Variants in KDM4B observed in about 807,000 individuals in gnomAD.
The protein encoded by KDM4B is lysine demethylase 4B.
KDM4B carries 32 observed loss-of-function variants against 125.2 expected under a neutral mutation model. The observed-to-expected ratio is 0.26, with a 90% confidence interval of 0.19 to 0.34. KDM4B has a LOEUF of 0.34. Among genes scored for constraint, KDM4B ranks in the 10% least tolerant of loss-of-function variants. The pLI is 1.00. For synonymous variants in KDM4B, 721 were observed against 677.9 expected, an observed-to-expected ratio of 1.06 and a Z score of -0.99; for missense variants, 1,190 against 1,577.7, an observed-to-expected ratio of 0.75 and a Z score of 4.16.
intron 6 of KDM4B, among the ~76,000 whole-genome samples, chr19:5,057,026 ATGCG>A (rs1455466009): frequency 6.4e-5 from 8 of 124,976 alleles, no homozygotes; most frequent in Admixed American, 3.1e-4. Context: ...CCAGATATAT[ATGCG>A]TGTGTGTGTG....
rs555184467 is a variant in KDM4B, at chr19:5,001,679, C to T, written c.-108-14578C>T. Among the ~76,000 whole-genome samples the T allele has an allele frequency of 9.3e-5, 14 of 150,528 alleles. No individual in the cohort carries two copies. In the South Asian group the frequency reaches 2.9e-3, roughly 31 times the overall value. ...GCTAAACACCCATGTAAGTCCTGTTCCGCCAGCTGTGTCGTCTGGGAGGGC... is the reference window on the plus strand; with the variant it reads ...GCTAAACACCCATGTAAGTCCTGTTTCGCCAGCTGTGTCGTCTGGGAGGGC... On this transcript the variant is annotated intron_variant, in intron 1 of 22. Coordinates refer to ENST00000159111, the MANE Select transcript of KDM4B (RefSeq NM_015015.3).
rs531480306 is a variant in KDM4B at position 5,086,432 on chromosome 19, G to T, written c.918+3928G>T. 2.0e-5 allele frequency among the ~76,000 whole-genome samples: 3 copies of T among 152,348 alleles called. 1 individual carries two copies. The East Asian group carries it at 5.8e-4, about 29-fold the overall frequency. On this transcript the variant is annotated intron_variant, in intron 9 of 22. Transcript: ENST00000159111. ...TTAAAAGGATGTGTGACCTGTGACA[G>T]CCGGACGAAACTGAAATCTCACCCA...
chr19:5,062,393 G>T (rs992976561), intron 6 of KDM4B, among the ~76,000 whole-genome samples: 1 of 152,222 alleles, frequency 6.6e-6, no homozygotes. Context: ...TGGCGACTAC[G>T]TGATGAGCTC....
intron 7 of KDM4B, chr19:5,074,050 G>A: frequency 6.5e-6 from 1 of 153,696 alleles, no homozygotes; most frequent in Non-Finnish European, 1.4e-5. Flanking sequence ...CAAGGCTGCA[G>A]TGAGCTGTGA....
intron 1 of KDM4B, among the ~76,000 whole-genome samples, chr19:4,998,695 A>G (rs1030083452): frequency 2.6e-5 from 4 of 152,230 alleles, no homozygotes; most frequent in African/African-American, 9.6e-5. Flanking sequence ...GGATCAACAC[A>G]GCACTCAGTC....
At chr19:4,975,095 G>A (rs190532510) in intron 1 of KDM4B, among the ~76,000 whole-genome samples, 1 of 152,084 alleles carries the variant, frequency 6.6e-6, no homozygotes, top group Non-Finnish European at 1.5e-5. Flanking sequence ...CATGTCACAC[G>A]ATCAGAGCTG....
chr19:5,090,061 G>GC (rs898977072), intron 9 of KDM4B, among the ~76,000 whole-genome samples: 3 of 152,108 alleles, frequency 2.0e-5, no homozygotes, highest in Admixed American at 6.5e-5. Flanking sequence ...CCAAAGCCTG[G>GC]CCCCCTTCCT....
At chr19:5,064,880 G>A (rs1258058366) in intron 6 of KDM4B, among the ~76,000 whole-genome samples, 1 of 152,244 alleles carries the variant, frequency 6.6e-6, no homozygotes, top group Non-Finnish European at 1.5e-5. Flanking sequence ...CCCTCATCCA[G>A]AGACTTTGCC....
chr19:5,087,626 C>T (rs943777609), intron 9 of KDM4B, among the ~76,000 whole-genome samples: 3 of 152,190 alleles, frequency 2.0e-5, no homozygotes, highest in South Asian at 2.1e-4. Context: ...GCCTTCTAGG[C>T]CCAGGTTTCC....
At chr19:5,091,165 C>T (rs1599600863) in intron 9 of KDM4B, among the ~76,000 whole-genome samples, 2 of 152,372 alleles carry the variant, frequency 1.3e-5, no homozygotes, top group Admixed American at 1.3e-4. Context: ...CGGGCTGGCC[C>T]CGAGGTGGGT....
At chr19:5,017,996 C>A (rs2035946791) in intron 2 of KDM4B, among the ~76,000 whole-genome samples, 1 of 151,638 alleles carries the variant, frequency 6.6e-6, no homozygotes, top group South Asian at 2.1e-4. Context: ...ACCTTGGCCT[C>A]CCAAAGTGCT....
intron 1 of KDM4B, among the ~76,000 whole-genome samples, chr19:4,995,311 T>C (rs2035164030): frequency 6.6e-6 from 1 of 152,092 alleles, no homozygotes; most frequent in African/African-American, 2.4e-5. Flanking sequence ...CTCACCCACT[T>C]GGAGGCAGGT....
intron 11 of KDM4B, among the ~76,000 whole-genome samples, chr19:5,123,857 G>C (rs1030900270): frequency 2.0e-5 from 3 of 152,188 alleles, no homozygotes; most frequent in South Asian, 4.1e-4. Context: ...CCCAGGCGAG[G>C]TCGGCAGGGG....
At chr19:5,093,377 G>A (rs1247835999) in intron 9 of KDM4B, among the ~76,000 whole-genome samples, 3 of 152,218 alleles carry the variant, frequency 2.0e-5, no homozygotes, top group Non-Finnish European at 4.4e-5. Flanking sequence ...TGCCTGGCCT[G>A]GCTGGCCGGG....
At chr19:5,087,257 C>A (rs923217660) in intron 9 of KDM4B, among the ~76,000 whole-genome samples, 2 of 152,254 alleles carry the variant, frequency 1.3e-5, no homozygotes, top group Non-Finnish European at 1.5e-5. Flanking sequence ...GGGCATTCAC[C>A]CTTGCCACCT....
rs139602897 is a variant in KDM4B at position 5,047,895 on chromosome 19, C to T, written c.626+226C>T. ...GAAGCTCCCAGGCCCCTAGAGCTTG[C>T]GCTTTGTACCCCGGAGTGCCCCCCA... is the stretch of plus-strand genomic sequence containing the variant. On this transcript the variant is annotated intron_variant, in intron 6 of 22. Transcript: ENST00000159111. 1.9e-3 allele frequency among the ~76,000 whole-genome samples: 293 copies of T among 152,308 alleles called. 3 individuals carry two copies. Among genetic ancestry groups the T allele is most frequent in the African/African-American group, 5.7e-3 (238 of 41,566 alleles).
chr19:5,085,372 A>G (rs1173508155), intron 9 of KDM4B, among the ~76,000 whole-genome samples: 1 of 152,142 alleles, frequency 6.6e-6, no homozygotes, highest in Non-Finnish European at 1.5e-5. Context: ...TGCCGTGAGG[A>G]CACCACGGGT....
At chr19:5,093,658 GC>G (rs1276936920) in intron 9 of KDM4B, among the ~76,000 whole-genome samples, 2 of 152,206 alleles carry the variant, frequency 1.3e-5, no homozygotes, top group African/African-American at 2.4e-5. Flanking sequence ...CGCTTTGTGT[GC>G]CAAGGCACCT....
rs559820134 is a variant in KDM4B, at chr19:5,092,422, T to C, written c.918+9918T>C. ...AGGCTCCCTGCGGGCCCTTCCTTCCTTTCTCCCACTGCTCTCGGCTTTCGG... is the reference window on the plus strand; with the variant it reads ...AGGCTCCCTGCGGGCCCTTCCTTCCCTTCTCCCACTGCTCTCGGCTTTCGG... On this transcript the variant is annotated intron_variant, in intron 9 of 22. Transcript: ENST00000159111. Among the ~76,000 whole-genome samples, 5 of 152,300 alleles carry C rather than the reference T, an allele frequency of 3.3e-5. No homozygotes were observed. In the South Asian group the frequency reaches 1.0e-3, roughly 32 times the overall value.
Sources: gnomAD v4.1 joint callset for allele counts (sites outside exome capture counted in the v4.1 genomes callset) on GRCh38, gnomAD v4.1.1 for gene constraint, MANE v1.5 for transcripts, NCBI Gene and HGNC (gene_info 2026-07-23, HGNC 2026-07-21) for gene names.